RCBTB1: variants seen among roughly 807,000 people sequenced by gnomAD.
RCBTB1 encodes the protein RCC1 and BTB domain containing protein 1.
RCBTB1 carries 46 observed loss-of-function variants against 62.4 expected under a neutral mutation model. That is an observed-to-expected ratio of 0.74 (90% CI 0.58 to 0.94). The LOEUF (loss-of-function observed/expected upper bound fraction) is 0.94, where lower values mean the gene tolerates loss of function less well. Among genes scored for constraint, RCBTB1 ranks in the 40% least tolerant of loss-of-function variants. The pLI is 0.00. For synonymous variants in RCBTB1, 222 were observed against 245.8 expected (o/e 0.90, Z 0.91); for missense variants, 565 against 654.9 (o/e 0.86, Z 1.50).
At chr13:49,540,598 A>G (rs988117458) in intron 12 of RCBTB1, among the ~76,000 whole-genome samples, 2 of 152,256 alleles carry the variant, frequency 1.3e-5, no homozygotes, top group Admixed American at 6.5e-5. Flanking sequence ...TGTTAGTCCA[A>G]TTAGTTGTGG....
chr13:49,571,233 C>A (rs1180709428), intron 2 of RCBTB1, among the ~76,000 whole-genome samples: 3 of 152,074 alleles, frequency 2.0e-5, no homozygotes, highest in African/African-American at 7.2e-5. Flanking sequence ...GTAATCCCAG[C>A]TACTCAAGAG....
rs576503086 is a variant in RCBTB1 at position 49,559,524 on chromosome 13, T to C, written c.444+394A>G. 7.2e-4 allele frequency among the ~76,000 whole-genome samples: 109 copies of C among 151,876 alleles called. 1 individual carries two copies. Among genetic ancestry groups the C allele is most frequent in the South Asian group, 5.4e-3 (26 of 4,806 alleles). ...ACAAAAAATTAGGCGGGTGTGGTGGTGGGTGCCTGTAGTCCCAGCTACTTG... is the reference window on the plus strand; with the variant it reads ...ACAAAAAATTAGGCGGGTGTGGTGGCGGGTGCCTGTAGTCCCAGCTACTTG... On this transcript the variant is annotated intron_variant, in intron 5 of 12. Transcript: ENST00000378302.
rs1594232632 is a variant in RCBTB1, at chr13:49,532,415, A to T, written c.*1707T>A. The T allele has an allele frequency of 2.3e-5, 1 of 42,624 alleles. No homozygotes were observed. The highest frequency in any genetic ancestry group is 4.4e-4 in the South Asian group (1 of 2,254). The allele number at this position is 42,624 out of a possible 1,614,324, so 2.6% of individuals were successfully genotyped here. On this transcript the variant is annotated 3_prime_UTR_variant, in exon 13 of 13. Transcript: ENST00000378302. The stretch of plus-strand genomic sequence containing the variant: ...AGTAAGAGCAATAGTAAACATACTG[A>T]AGTTCACATTTTGCTCAGATCATAA...
chr13:49,585,169 G>T (rs13378385), intron 1 of RCBTB1, among the ~76,000 whole-genome samples: 48,667 of 151,728 alleles, frequency 0.32, 9,233 homozygotes, highest in East Asian at 0.6. Flanking sequence ...TCAAAAAAGA[G>T]AGGGAGGCAG....
intron 11 of RCBTB1, among the ~76,000 whole-genome samples, chr13:49,541,421 GA>G (rs1960352819): frequency 1.4e-5 from 2 of 147,078 alleles, no homozygotes; most frequent in Non-Finnish European, 3.0e-5. Flanking sequence ...GTGTACCCCA[GA>G]ACTTAAAAAT....
At chr13:49,550,056 C>G (rs903441587) in intron 8 of RCBTB1, among the ~76,000 whole-genome samples, 2 of 152,100 alleles carry the variant, frequency 1.3e-5, no homozygotes, top group Admixed American at 6.5e-5. Context: ...GTGGCATGAC[C>G]ATGGCTCACT....
chr13:49,571,500 T>C (rs1963398714), intron 2 of RCBTB1, among the ~76,000 whole-genome samples: 1 of 152,198 alleles, frequency 6.6e-6, no homozygotes, highest in African/African-American at 2.4e-5. Context: ...GTGACCTCTG[T>C]CCTCGGAGCT....
Position 49,566,675 on chromosome 13 carries a change from T to C in RCBTB1, c.220A>G (p.Lys74Glu), listed in dbSNP as rs755193161. 14 of 1,614,072 alleles carry C rather than the reference T, an allele frequency of 8.7e-6. No homozygotes were observed. Among genetic ancestry groups the C allele is most frequent in the Non-Finnish European group, 1.2e-5 (14 of 1,180,026 alleles). Residue 74 changes from lysine (K) to glutamate (E), a missense_variant, in exon 4 of 13, where the codon AAG becomes GAG. Coordinates refer to ENST00000378302, the MANE Select transcript of RCBTB1 (RefSeq NM_018191.4). ...CCGTAACTGAGGCTTTTAATCTTCT[T>C]TCCACATAAGCCTTCTAGCTTTTTG... ...VPKKLEGLCG[K>E]KIKSLSYGSG...
intron 9 of RCBTB1, among the ~76,000 whole-genome samples, chr13:49,548,049 G>A (rs1168060835): frequency 6.6e-6 from 1 of 152,064 alleles, no homozygotes; most frequent in East Asian, 1.9e-4. Flanking sequence ...AAAGTGCTGA[G>A]ATTACAGGTG....
At chr13:49,554,649 G>A (rs565574572) in intron 6 of RCBTB1, among the ~76,000 whole-genome samples, 1 of 152,268 alleles carries the variant, frequency 6.6e-6, no homozygotes, top group South Asian at 2.1e-4. Flanking sequence ...GGCAGCATAA[G>A]ATTCTCACAG....
chr13:49,565,686 G>A (rs1336247544), intron 4 of RCBTB1, among the ~76,000 whole-genome samples: 3 of 150,062 alleles, frequency 2.0e-5, no homozygotes, highest in Admixed American at 1.3e-4. Flanking sequence ...GAGAAGTGAG[G>A]AGCCCCTCCA....
chr13:49,565,971 TG>T (rs1307747896), intron 4 of RCBTB1, among the ~76,000 whole-genome samples: 87 of 148,610 alleles, frequency 5.9e-4, no homozygotes, highest in African/African-American at 2.2e-3. Flanking sequence ...ACCCCCAACC[TG>T]GTGCTCTCTG....
intron 2 of RCBTB1, among the ~76,000 whole-genome samples, chr13:49,570,393 A>G (rs1963316950): frequency 6.6e-6 from 1 of 152,242 alleles, no homozygotes. Context: ...TTGTCATTTA[A>G]GAGTCAATTC....
chr13:49,562,228 C>T (rs1962495988), intron 4 of RCBTB1, among the ~76,000 whole-genome samples: 1 of 151,924 alleles, frequency 6.6e-6, no homozygotes, highest in Non-Finnish European at 1.5e-5. Context: ...AGAAAGAACA[C>T]TTGGAAATAA....
intron 1 of RCBTB1, among the ~76,000 whole-genome samples, chr13:49,584,173 A>C (rs965682213): frequency 1.3e-5 from 2 of 152,262 alleles, no homozygotes; most frequent in Non-Finnish European, 2.9e-5. Flanking sequence ...AAAAGCTACA[A>C]GCTTGACAGC....
intron 5 of RCBTB1, 122 bp downstream of exon 5, chr13:49,559,796 G>T: frequency 2.4e-6 from 2 of 828,852 alleles, no homozygotes; most frequent in Non-Finnish European, 3.6e-6. Flanking sequence ...GTATGACAAG[G>T]TGAACATACT....
chr13:49,566,610 C>T lies in RCBTB1; in HGVS notation c.277+8G>A. The T allele has an allele frequency of 6.2e-7, 1 of 1,611,550 alleles. No individual in the cohort carries two copies. The highest frequency in any genetic ancestry group is 8.5e-7 in the Non-Finnish European group (1 of 1,179,218). Reference sequence around the variant, plus strand: ...CAAACTGAAAAGTTAGATGGGTTCCCTCCTTACCTTCGGTGCTGAGAAGAA... The same window carrying T: ...CAAACTGAAAAGTTAGATGGGTTCCTTCCTTACCTTCGGTGCTGAGAAGAA... On this transcript the variant is annotated splice_region_variant and intron_variant, in intron 4 of 12. Coordinates refer to ENST00000378302, the MANE Select transcript of RCBTB1 (RefSeq NM_018191.4).
chr13:49,547,126 A>T, intron 9 of RCBTB1: 1 of 1,286,072 alleles, frequency 7.8e-7, no homozygotes, highest in Admixed American at 2.3e-5. Flanking sequence ...ATTCTGGCCA[A>T]ATAGTCCCAT....
At chr13:49,551,914 AAAAGCATTAG>A (rs1961388299) in intron 7 of RCBTB1, among the ~76,000 whole-genome samples, 2 of 151,342 alleles carry the variant, frequency 1.3e-5, no homozygotes, top group Non-Finnish European at 2.9e-5. Flanking sequence ...AAAAAAAAAA[AAAAGCATTAG>A]AAAAGCCTAA....
Sources: gnomAD v4.1 joint callset for allele counts (sites outside exome capture counted in the v4.1 genomes callset) on GRCh38, gnomAD v4.1.1 for gene constraint, MANE v1.5 for transcripts, NCBI Gene and HGNC (gene_info 2026-07-23, HGNC 2026-07-21) for gene names.